The following DTNB variants were observed in gnomAD, a reference collection of about 807,000 sequenced individuals.
DTNB encodes DTN-B.
In DTNB, 63 loss-of-function variants were observed where a neutral mutation model predicts 90.7. That is an observed-to-expected ratio of 0.69 (90% CI 0.57 to 0.86). The LOEUF is 0.86. Ranked by LOEUF, DTNB falls within the 40% of genes least tolerant of loss-of-function variation. The pLI, the probability that DTNB is intolerant of heterozygous loss-of-function variation, is 0.00. For missense variants in DTNB, 744 were observed against 807.1 expected (o/e 0.92, Z 0.95); for synonymous variants, 277 against 286.7 (o/e 0.97, Z 0.34).
At chr2:25,449,266 C>T (rs56131005) in intron 12 of DTNB, among the ~76,000 whole-genome samples, 57,437 of 152,050 alleles carry the variant, frequency 0.38, 12,400 homozygotes, top group Non-Finnish European at 0.5. Context: ...GCTATTCCAG[C>T]TATTATGAAT....
At chr2:25,624,188 C>T (rs1353225725) in intron 4 of DTNB, among the ~76,000 whole-genome samples, 1 of 152,198 alleles carries the variant, frequency 6.6e-6, no homozygotes, top group Non-Finnish European at 1.5e-5. Flanking sequence ...GCTCCCTGTC[C>T]CTCTTCAAGT....
chr2:25,608,274 C>T (rs1037313533), intron 4 of DTNB, among the ~76,000 whole-genome samples: 3 of 152,184 alleles, frequency 2.0e-5, no homozygotes, highest in South Asian at 2.1e-4. Flanking sequence ...CACAATGGTT[C>T]TAATACAGTG....
At chr2:25,422,110 G>C (rs1303268277) in intron 15 of DTNB, among the ~76,000 whole-genome samples, 1 of 152,112 alleles carries the variant, frequency 6.6e-6, no homozygotes, top group Non-Finnish European at 1.5e-5. Flanking sequence ...TAGTCAGGTG[G>C]GGTCACTAAA....
At chr2:25,381,674 C>T (rs1345649534) in intron 19 of DTNB, among the ~76,000 whole-genome samples, 1 of 152,262 alleles carries the variant, frequency 6.6e-6, no homozygotes, top group Non-Finnish European at 1.5e-5. Context: ...CCATGCCCAG[C>T]CTAGTCTGAC....
intron 12 of DTNB, among the ~76,000 whole-genome samples, chr2:25,438,355 G>A (rs1009186764): frequency 5.3e-5 from 8 of 152,080 alleles, no homozygotes; most frequent in South Asian, 2.1e-4. Flanking sequence ...TTAAGAAAAT[G>A]TATGAATTTT....
chr2:25,459,330 C>T (rs1284873862), intron 10 of DTNB, among the ~76,000 whole-genome samples: 2 of 152,062 alleles, frequency 1.3e-5, no homozygotes, highest in Non-Finnish European at 2.9e-5. Flanking sequence ...CGGTGCTCCA[C>T]TCTGGGTAAT....
chr2:25,432,240 CA>C (rs1167735776), intron 14 of DTNB, among the ~76,000 whole-genome samples: 9 of 151,408 alleles, frequency 5.9e-5, no homozygotes, highest in Admixed American at 2.6e-4. Flanking sequence ...CACACACACA[CA>C]CACCCCTTTC....
At chr2:25,597,717 A>G (rs1187017345) in intron 5 of DTNB, among the ~76,000 whole-genome samples, 2 of 152,220 alleles carry the variant, frequency 1.3e-5, no homozygotes, top group Non-Finnish European at 2.9e-5. Flanking sequence ...AGTAGAAAGT[A>G]AAATAAATTA....
intron 1 of DTNB, among the ~76,000 whole-genome samples, chr2:25,657,789 A>T (rs2082352570): frequency 6.6e-6 from 1 of 152,206 alleles, no homozygotes; most frequent in South Asian, 2.1e-4. Context: ...AACAATCAAA[A>T]GCTCTGAACA....
intron 4 of DTNB, among the ~76,000 whole-genome samples, chr2:25,626,738 T>G (rs1365034651): frequency 6.6e-6 from 1 of 152,270 alleles, no homozygotes; most frequent in African/African-American, 2.4e-5. Flanking sequence ...TTACCACTAA[T>G]TCACAGACTC....
chr2:25,383,707 AG>A (rs1176815431), intron 19 of DTNB, 128 bp downstream of exon 19: 13 of 1,581,122 alleles, frequency 8.2e-6, no homozygotes, highest in Non-Finnish European at 1.1e-5. Context: ...AAGTAGGTAC[AG>A]GGACCTCGGG....
chr2:25,450,882 C>T (rs1489951956), intron 12 of DTNB, among the ~76,000 whole-genome samples: 4 of 152,138 alleles, frequency 2.6e-5, no homozygotes, highest in African/African-American at 7.2e-5. Flanking sequence ...TGGCTCACTG[C>T]AGCCTTGACC....
At chr2:25,580,557 T>TA (rs202115135) in intron 7 of DTNB, among the ~76,000 whole-genome samples, 164 bp downstream of exon 7, 14 of 151,318 alleles carry the variant, frequency 9.3e-5, no homozygotes, top group East Asian at 5.8e-4. Context: ...CTCCCTTTTT[T>TA]AAAAAAAAAT....
chr2:25,520,387 C>A (rs1348223782), intron 9 of DTNB, among the ~76,000 whole-genome samples: 2 of 152,122 alleles, frequency 1.3e-5, no homozygotes, highest in African/African-American at 4.8e-5. Flanking sequence ...AACAAACAAA[C>A]AAAACAATTA....
At chr2:25,583,509 GTTT>G (rs930871504) in intron 6 of DTNB, among the ~76,000 whole-genome samples, 2 of 146,848 alleles carry the variant, frequency 1.4e-5, no homozygotes, top group Non-Finnish European at 3.0e-5. Context: ...GAGTTTTTGT[GTTT>G]TTTTTTTGTT....
chr2:25,531,344 C>G, intron 9 of DTNB, 129 bp downstream of exon 9: 1 of 1,405,496 alleles, frequency 7.1e-7, no homozygotes, highest in Non-Finnish European at 9.5e-7. Context: ...GTCTTAAGTT[C>G]CCACAAAAGA....
At chr2:25,475,592 CA>C (rs2063587968) in intron 10 of DTNB, among the ~76,000 whole-genome samples, 1 of 152,196 alleles carries the variant, frequency 6.6e-6, no homozygotes, top group Non-Finnish European at 1.5e-5. Context: ...ACAAAAACTG[CA>C]GATTTTTGAT....
rs76873079 is a variant in DTNB, at chr2:25,532,015, G to A, written c.877-418C>T. 5.6e-3 allele frequency among the ~76,000 whole-genome samples: 860 copies of A among 152,254 alleles called. 7 individuals are homozygous for A. The highest frequency in any genetic ancestry group is 0.02 in the African/African-American group (821 of 41,538). ...TAATCCCAGCTCTTTGGAAGGCCAA[G>A]GTAGGTGGATCACCTGAGGTTGGGA... On this transcript the variant is annotated intron_variant, in intron 8 of 20. Transcript: ENST00000406818.
At chr2:25,662,766 T>C (rs2083517924) in intron 1 of DTNB, among the ~76,000 whole-genome samples, 1 of 151,394 alleles carries the variant, frequency 6.6e-6, no homozygotes, top group Non-Finnish European at 1.5e-5. Context: ...AAAGAGAGTA[T>C]CTCTGGGGAT....
Sources: allele counts gnomAD v4.1 joint callset (sites outside exome capture counted in the v4.1 genomes callset), GRCh38; gene constraint gnomAD v4.1.1; transcripts MANE v1.5; gene names NCBI Gene and HGNC (gene_info 2026-07-23, HGNC 2026-07-21).